RALGPS2: variants seen among roughly 807,000 people sequenced by gnomAD.
RALGPS2 encodes the protein Ral GEF with PH domain and SH3 binding motif 2, also known as ras-specific guanine nucleotide-releasing factor RalGPS2.
Under a neutral mutation model 86.8 loss-of-function variants are expected in RALGPS2, and 43 were observed. That is an observed-to-expected ratio of 0.50 (90% CI 0.39 to 0.64). The LOEUF is 0.64. RALGPS2 is among the 30% of genes least tolerant of loss of function. The probability of loss-of-function intolerance (pLI) is 0.00; values close to 1 mark genes in which losing one functional copy is unlikely to be tolerated. For missense variants in RALGPS2, 536 were observed against 694.6 expected (o/e 0.77, Z 2.57); for synonymous variants, 243 against 231.3 (o/e 1.05, Z -0.46).
At chr1:178,841,306 T>C (rs1472395216) in intron 8 of RALGPS2, among the ~76,000 whole-genome samples, 1 of 150,642 alleles carries the variant, frequency 6.6e-6, no homozygotes, top group African/African-American at 2.4e-5. Flanking sequence ...TCCACCATGA[T>C]CAAGTGGGCT....
At chr1:178,747,347 C>T in intron 1 of RALGPS2, 1 of 1,537,830 alleles carries the variant, frequency 6.5e-7, no homozygotes, top group Admixed American at 1.7e-5. Flanking sequence ...TCTGGTTTCA[C>T]CACTATTGAT....
chr1:178,888,203 C>A (rs1454440353), intron 13 of RALGPS2, among the ~76,000 whole-genome samples: 2 of 152,004 alleles, frequency 1.3e-5, no homozygotes, highest in Admixed American at 6.6e-5. Context: ...ATCATTGCAT[C>A]CTAGTTTGTA....
At chr1:178,770,601 C>T (rs758166776) in intron 1 of RALGPS2, among the ~76,000 whole-genome samples, 3 of 149,826 alleles carry the variant, frequency 2.0e-5, no homozygotes, top group Non-Finnish European at 3.0e-5. Context: ...CTTAGCCTCC[C>T]GAGTAGCTGG....
At chr1:178,741,857 G>T (rs1181137774) in intron 1 of RALGPS2, among the ~76,000 whole-genome samples, 1 of 152,108 alleles carries the variant, frequency 6.6e-6, no homozygotes, top group Non-Finnish European at 1.5e-5. Flanking sequence ...GCAGAAATGG[G>T]CTGGGCATGG....
chr1:178,735,829 G>A (rs1412729587), intron 1 of RALGPS2, among the ~76,000 whole-genome samples: 2 of 151,976 alleles, frequency 1.3e-5, no homozygotes, highest in Admixed American at 6.6e-5. Context: ...TAATTGTATT[G>A]CATTCAAAGA....
intron 8 of RALGPS2, among the ~76,000 whole-genome samples, chr1:178,858,453 T>G (rs1452340260): frequency 6.6e-6 from 1 of 152,154 alleles, no homozygotes; most frequent in African/African-American, 2.4e-5. Flanking sequence ...AGAAATAAAT[T>G]GATTGATCTG....
rs1443869846 is a variant in RALGPS2 at position 178,921,421 on chromosome 1, A to G, written c.*5062A>G. On this transcript the variant is annotated 3_prime_UTR_variant, in exon 20 of 20. Coordinates refer to ENST00000367635, the MANE Select transcript of RALGPS2 (RefSeq NM_152663.5). Reference sequence around the variant, plus strand: ...TTACTGACTTAATAGGTATGGTAAAATAGCTGATAATAAGTCAGACTCTCA... The same window carrying G: ...TTACTGACTTAATAGGTATGGTAAAGTAGCTGATAATAAGTCAGACTCTCA... 6.6e-6 allele frequency: 1 copy of G among 151,810 alleles called. No individual in the cohort carries two copies. The highest frequency in any genetic ancestry group is 6.6e-5 in the Admixed American group (1 of 15,228). 9.4% of individuals were successfully genotyped at this position (151,810 alleles called of 1,614,324 possible). A position where few individuals can be genotyped will look rare whatever the true frequency, so the allele number is the denominator to read the frequency against.
chr1:178,904,819 C>T (rs542547872), intron 18 of RALGPS2, among the ~76,000 whole-genome samples: 5 of 152,010 alleles, frequency 3.3e-5, no homozygotes, highest in South Asian at 2.1e-4. Context: ...AGTCTTGCTT[C>T]GGCTGTGGTG....
chr1:178,876,313 A>C (rs780568775), intron 8 of RALGPS2, among the ~76,000 whole-genome samples: 1 of 151,752 alleles, frequency 6.6e-6, no homozygotes. Context: ...AATATAAGTA[A>C]TTTTTTTTTA....
At chr1:178,826,326 A>G (rs1655741305) in intron 7 of RALGPS2, among the ~76,000 whole-genome samples, 2 of 152,246 alleles carry the variant, frequency 1.3e-5, no homozygotes, top group Admixed American at 1.3e-4. Flanking sequence ...GAATGAATAG[A>G]CAAAATATAG....
intron 17 of RALGPS2, among the ~76,000 whole-genome samples, chr1:178,900,589 T>C (rs1348834605): frequency 6.6e-6 from 1 of 151,938 alleles, no homozygotes; most frequent in African/African-American, 2.4e-5. Flanking sequence ...AGATTATCTG[T>C]AGAAGAATAT....
At chr1:178,755,550 T>A (rs1651913816) in intron 1 of RALGPS2, among the ~76,000 whole-genome samples, 1 of 152,256 alleles carries the variant, frequency 6.6e-6, no homozygotes, top group Non-Finnish European at 1.5e-5. Context: ...TAATATTCCA[T>A]GGTGTACGTG....
chr1:178,845,329 A>G (rs1351525643), intron 8 of RALGPS2, among the ~76,000 whole-genome samples: 2 of 152,112 alleles, frequency 1.3e-5, no homozygotes, highest in African/African-American at 4.8e-5. Context: ...TTAATTTAAT[A>G]TGTCAGGTTT....
At chr1:178,789,845 A>G (rs980552240) in intron 4 of RALGPS2, among the ~76,000 whole-genome samples, 2 of 152,198 alleles carry the variant, frequency 1.3e-5, no homozygotes, top group East Asian at 3.8e-4. Flanking sequence ...CAATATTTAG[A>G]ATGAGAGGTT....
intron 11 of RALGPS2, among the ~76,000 whole-genome samples, chr1:178,884,420 G>T (rs1202505980): frequency 3.3e-5 from 5 of 151,894 alleles, no homozygotes; most frequent in Non-Finnish European, 5.9e-5. Context: ...ATAGGCCTTC[G>T]CACTAAGTTT....
chr1:178,802,535 A>C (rs970987188), intron 4 of RALGPS2, among the ~76,000 whole-genome samples: 2 of 152,172 alleles, frequency 1.3e-5, no homozygotes, highest in African/African-American at 4.8e-5. Flanking sequence ...AATACAATTT[A>C]CTGGAGATAG....
At chr1:178,871,888 G>T (rs1292064648) in intron 8 of RALGPS2, among the ~76,000 whole-genome samples, 5 of 152,158 alleles carry the variant, frequency 3.3e-5, no homozygotes, top group African/African-American at 1.2e-4. Context: ...AGGTTCTTCT[G>T]CTATGAAATA....
At chr1:178,834,021 G>T (rs767068795) in intron 8 of RALGPS2, among the ~76,000 whole-genome samples, 1 of 152,052 alleles carries the variant, frequency 6.6e-6, no homozygotes, top group Non-Finnish European at 1.5e-5. Flanking sequence ...AGACAGTTCT[G>T]TATTTCGCAT....
intron 8 of RALGPS2, among the ~76,000 whole-genome samples, chr1:178,840,724 A>T (rs1656560838): frequency 6.6e-6 from 1 of 152,092 alleles, no homozygotes; most frequent in Non-Finnish European, 1.5e-5. Context: ...GTGTTTTTTT[A>T]AAAGATCAAC....
Sources: allele counts gnomAD v4.1 joint callset (sites outside exome capture counted in the v4.1 genomes callset), GRCh38; gene constraint gnomAD v4.1.1; transcripts MANE v1.5; gene names NCBI Gene and HGNC (gene_info 2026-07-23, HGNC 2026-07-21).